Variants in TSC2 observed in about 807,000 individuals in gnomAD.
TSC2 encodes TSC complex subunit 2, also known as tuberin.
Under a neutral mutation model 202.2 loss-of-function variants are expected in TSC2, and 29 were observed. The observed-to-expected ratio is 0.14, with a 90% CI of 0.11 to 0.20. The LOEUF (loss-of-function observed/expected upper bound fraction) is 0.20. Ranked by LOEUF, TSC2 falls within the 10% of genes least tolerant of loss-of-function variation. The pLI is 1.00. For missense variants in TSC2, 2,429 were observed against 2,420.0 expected (o/e 1.00, Z -0.08); for synonymous variants, 1,349 against 1,044.0 (o/e 1.29, Z -5.63).
At chr16:2,072,017 C>A in intron 19 of TSC2, 83 bp downstream of exon 19, 1 of 1,493,450 alleles carries the variant, frequency 6.7e-7, no homozygotes, top group South Asian at 1.3e-5. Flanking sequence ...GGGCCTCCCT[C>A]CCTGTCTGGC....
chr16:2,062,350 C>T, intron 12 of TSC2, 147 bp from the exon 13 acceptor site: 1 of 775,698 alleles, frequency 1.3e-6, no homozygotes, highest in East Asian at 2.7e-5. Flanking sequence ...TCCCCGCTGC[C>T]AGGAGTGCCT....
rs397515240 is a variant in TSC2 at position 2,062,464 on chromosome 16, G to GC, written c.1258-32dup. 9.4e-4 allele frequency: 1,476 copies of GC among 1,576,080 alleles called. 18 individuals are homozygous for GC. In the African/African-American group the frequency reaches 0.018, roughly 19 times the overall value. On this transcript the variant is annotated intron_variant, in intron 12 of 41. Coordinates refer to ENST00000219476, the MANE Select transcript of TSC2 (RefSeq NM_000548.5). Reference sequence around the variant, plus strand: ...TGTGGAGAAGGAGAGCGCCGGAGGGGCAGAGGGGCAACACCGGCTCTTCTT... The same window carrying GC: ...TGTGGAGAAGGAGAGCGCCGGAGGGGCCAGAGGGGCAACACCGGCTCTTCTT...
intron 17 of TSC2, 143 bp downstream of exon 17, chr16:2,070,721 C>T (rs1596337781): frequency 1.6e-5 from 22 of 1,385,894 alleles, no homozygotes; most frequent in East Asian, 1.2e-4. Flanking sequence ...CCACTGTGGC[C>T]GCAGCCTCCC....
chr16:2,061,670 C>T (rs944149390), intron 11 of TSC2: 16 of 813,344 alleles, frequency 2.0e-5, no homozygotes, highest in Non-Finnish European at 3.0e-5. Flanking sequence ...TCAGGGTGGC[C>T]CCTGGAGAGG....
chr16:2,088,916 C>T lies in TSC2; in HGVS notation c.*306C>T, dbSNP rs2091285398. ...ACACACACAGTCACCTTCCTCCACC[C>T]TGGGAGCCAGCCCCCAGGAGGAGTC... On this transcript the variant is annotated 3_prime_UTR_variant, in exon 42 of 42. Transcript: ENST00000219476. 1 of 398,216 alleles carries T rather than the reference C, an allele frequency of 2.5e-6. No homozygotes were observed. Among genetic ancestry groups the T allele is most frequent in the Non-Finnish European group, 4.6e-6 (1 of 215,892 alleles). The allele number at this position is 398,216 out of a possible 1,614,324, so 24.7% of individuals were successfully genotyped here.
At chr16:2,076,233 T>C (rs1417855103) in intron 24 of TSC2, 63 bp downstream of exon 24, 3 of 1,608,068 alleles carry the variant, frequency 1.9e-6, no homozygotes, top group Non-Finnish European at 2.5e-6. Flanking sequence ...TGCCCTTGGC[T>C]GTCCATGGTC....
In TSC2 at chr16:2,079,116, C is replaced by T. The variant is rs752404221; in HGVS notation, c.3051C>T (p.Asn1017=). ...CCCAGGCTGACGATAGCCTGAAAAACCTCCACCTGGAGCTCACGGAAACCT... is the reference window on the plus strand; with the variant it reads ...CCCAGGCTGACGATAGCCTGAAAAATCTCCACCTGGAGCTCACGGAAACCT... The part of the protein sequence containing the change: ...SVAQADDSLK[N]LHLELTETCL... The change falls in exon 27 of 42, where the codon AAC becomes AAT. Residue 1017 remains asparagine, a synonymous_variant. Coordinates refer to ENST00000219476, the MANE Select transcript of TSC2 (RefSeq NM_000548.5). The surrounding 1 kb of genome is among the most constrained non-coding windows in gnomAD (Gnocchi z 4.6). 6.2e-7 allele frequency: 1 copy of T among 1,613,056 alleles called. No homozygotes were observed. Among genetic ancestry groups the T allele is most frequent in the South Asian group, 1.1e-5 (1 of 91,082 alleles).
intron 22 of TSC2, 162 bp downstream of exon 22, chr16:2,074,551 C>A: frequency 1.2e-6 from 1 of 865,326 alleles, no homozygotes; most frequent in Non-Finnish European, 1.8e-6. Context: ...CATGAGTGCT[C>A]TCCTTCCTGG....
At position 2,062,616 on chromosome 16, in the gene TSC2, T is replaced by G. The variant is rs45502491; in HGVS notation, c.1361+16T>G. On this transcript the variant is annotated intron_variant, in intron 13 of 41. Transcript: ENST00000219476. Reference sequence around the variant, plus strand: ...GATTCTTCAGGTAGGGGGTCCTCTGTAGCCTTGCCTGGCACCTGGAGCCTG... The same window carrying G: ...GATTCTTCAGGTAGGGGGTCCTCTGGAGCCTTGCCTGGCACCTGGAGCCTG... 7.4e-4 allele frequency: 1,186 copies of G among 1,592,826 alleles called. 7 individuals are homozygous for G. In the African/African-American group the frequency reaches 0.015, roughly 20 times the overall value.
chr16:2,064,542 TGAGGCTC>T, intron 15 of TSC2, 115 bp downstream of exon 15: 2 of 1,515,076 alleles, frequency 1.3e-6, no homozygotes, highest in Non-Finnish European at 1.8e-6. Flanking sequence ...TGTCCGTAGG[TGAGGCTC>T]CCCTCCCTGC....
chr16:2,087,101 T>C, intron 38 of TSC2: 1 of 645,234 alleles, frequency 1.5e-6, no homozygotes. Context: ...AACTGGCAAG[T>C]GCAGACTGGG....
At chr16:2,065,143 G>A in intron 15 of TSC2, 1 of 214,530 alleles carries the variant, frequency 4.7e-6, no homozygotes, top group Non-Finnish European at 9.4e-6. Flanking sequence ...GCCGGGCACG[G>A]TGGCTCATGC....
At position 2,061,931 on chromosome 16, in the gene TSC2, C is replaced by A. The variant is rs1409309186; in HGVS notation, c.1180C>A (p.Leu394Met). The change falls in exon 12 of 42, where the codon CTG becomes ATG. Residue 394 changes from leucine to methionine, a missense_variant. Transcript: ENST00000219476. ...TGACCTGTTGACCACGGTGGAGGAG[C>A]TGTGTGACCAGAACGAGTTCCACGG... ...VHDLLTTVEE[L>M]CDQNEFHGSQ... 1.2e-6 allele frequency: 2 copies of A among 1,614,208 alleles called. No individual in the cohort carries two copies. The highest frequency in any genetic ancestry group is 8.5e-7 in the Non-Finnish European group (1 of 1,180,030).
In TSC2 at chr16:2,088,764, G is replaced by T. The variant is rs1038735192; in HGVS notation, c.*154G>T. On this transcript the variant is annotated 3_prime_UTR_variant, in exon 42 of 42. Transcript: ENST00000219476. ...TCTGCTTGGTGCGGGGGTTGGGGGG[G>T]TGTCGAGGCTCTAGAAGCGGCCATG... The T allele has an allele frequency of 2.8e-6, 3 of 1,090,108 alleles. No homozygotes were observed. Among genetic ancestry groups the T allele is most frequent in the Non-Finnish European group, 3.9e-6 (3 of 774,194 alleles). The allele number at this position is 1,090,108 out of a possible 1,614,324, so 67.5% of individuals were successfully genotyped here.
chr16:2,086,653 A>G, intron 37 of TSC2, 79 bp from the exon 38 acceptor site: 3 of 1,591,982 alleles, frequency 1.9e-6, no homozygotes, highest in Non-Finnish European at 2.6e-6. Context: ...CCCTGGAGTA[A>G]TCAGGAGGTG....
chr16:2,086,267 C>T lies in TSC2; in HGVS notation c.4737C>T (p.Gly1579=), dbSNP rs2090776434. Residue 1579 remains glycine, a synonymous_variant, in exon 37 of 42, where the codon GGC becomes GGT. Coordinates refer to ENST00000219476, the MANE Select transcript of TSC2 (RefSeq NM_000548.5). ...YRYTEFLTGL[G]RLIELKDCQP... ...ACACGGAGTTCCTGACGGGCCTGGG[C>T]CGGCTCATCGAGCTGAAGGACTGCC... 6.2e-7 allele frequency: 1 copy of T among 1,612,734 alleles called. No individual in the cohort carries two copies. Among genetic ancestry groups the T allele is most frequent in the African/African-American group, 1.3e-5 (1 of 74,912 alleles).
In TSC2 at chr16:2,048,042, C is replaced by G. The variant is rs1296207257; in HGVS notation, c.-53C>G. On this transcript the variant is annotated 5_prime_UTR_variant, in exon 1 of 42. Coordinates refer to ENST00000219476, the MANE Select transcript of TSC2 (RefSeq NM_000548.5). ...CGCCTTTCTCCGCGTCGGGGCGGCC[C>G]GGAGCGCGGTGGCGCGGCGCGGGGT... The G allele has an allele frequency of 4.9e-6, 7 of 1,428,700 alleles. No homozygotes were observed. In the South Asian group the frequency reaches 6.0e-5, roughly 12 times the overall value. 88.5% of individuals were successfully genotyped at this position (1,428,700 alleles called of 1,614,324 possible). A position where few individuals can be genotyped will look rare whatever the true frequency, so the allele number is the denominator to read the frequency against.
chr16:2,079,490 G>A lies in TSC2; in HGVS notation c.3284+62G>A. ...TCGACACCGGCTGTCCCGAGCCCAG[G>A]CCCACGTGGCACCCTCGTACCAGCC... On this transcript the variant is annotated intron_variant, in intron 28 of 41. Transcript: ENST00000219476. The surrounding 1 kb of genome is among the most constrained non-coding windows in gnomAD (Gnocchi z 4.6). The A allele has an allele frequency of 6.2e-7, 1 of 1,609,054 alleles. No homozygotes were observed. Among genetic ancestry groups the A allele is most frequent in the African/African-American group, 1.3e-5 (1 of 74,994 alleles).
rs1212082573 is a variant in TSC2 at position 2,088,628 on chromosome 16, C to T, written c.*18C>T. ...TTGTGTGAGGCCGGGGCCCTCCCTCCTGCACTGGCCTTGGACGGTATTGCC... is the reference window on the plus strand; with the variant it reads ...TTGTGTGAGGCCGGGGCCCTCCCTCTTGCACTGGCCTTGGACGGTATTGCC... On this transcript the variant is annotated 3_prime_UTR_variant, in exon 42 of 42. Coordinates refer to ENST00000219476, the MANE Select transcript of TSC2 (RefSeq NM_000548.5). The T allele has an allele frequency of 4.4e-6, 7 of 1,596,750 alleles. No homozygotes were observed. Among genetic ancestry groups the T allele is most frequent in the East Asian group, 4.5e-5 (2 of 44,534 alleles).
Sources: allele counts gnomAD v4.1 joint callset, GRCh38; gene constraint gnomAD v4.1.1; non-coding constraint Gnocchi (gnomAD v3.1); transcripts MANE v1.5; gene names NCBI Gene and HGNC (gene_info 2026-07-23, HGNC 2026-07-21).